PFKFB3: variants seen among roughly 807,000 people sequenced by gnomAD.
PFKFB3 encodes 6-phosphofructo-2-kinase/fructose-2,6-biphosphatase 3, also known as 6-phosphofructo-2-kinase/fructose-2,6-bisphosphatase 3.
Under a neutral mutation model 68.0 loss-of-function variants are expected in PFKFB3, and 33 were observed. That is an observed-to-expected ratio of 0.49 (90% CI 0.37 to 0.65). The LOEUF (loss-of-function observed/expected upper bound fraction) is 0.65, where lower values mean the gene tolerates loss of function less well. Among genes scored for constraint, PFKFB3 ranks in the 30% least tolerant of loss-of-function variants. The pLI is 0.00. For synonymous variants in PFKFB3, 315 were observed against 288.2 expected (o/e 1.09, Z -0.94); for missense variants, 586 against 712.2 (o/e 0.82, Z 2.02).
chr10:6,188,002 CAT>C (rs35827719), intron 1 of PFKFB3, among the ~76,000 whole-genome samples: 3,734 of 148,138 alleles, frequency 0.025, 116 homozygotes, highest in Middle Eastern at 0.089. Flanking sequence ...TACCTACCTA[CAT>C]ATATATATAT....
Position 6,228,298 on chromosome 10 carries a change from A to G in PFKFB3, c.1515+1933A>G, listed in dbSNP as rs1845492629. 3.9e-6 allele frequency: 6 copies of G among 1,522,068 alleles called. No homozygotes were observed. The highest frequency in any genetic ancestry group is 5.5e-6 in the Non-Finnish European group (6 of 1,098,172). The allele number at this position is 1,522,068 out of a possible 1,614,324, so 94.3% of individuals were successfully genotyped here. On this transcript the variant is annotated intron_variant, in intron 14 of 14. Coordinates refer to ENST00000379775, the MANE Select transcript of PFKFB3 (RefSeq NM_004566.4). This position sits in a 1 kb window ranked among gnomAD's most constrained non-coding sequence, Gnocchi z 4.5. ...CATTTGGCCTCCTGCCTGTTAAAAT[A>G]TTGAGGATGAGAGCAGTTTTGTGAT...
At chr10:6,158,604 G>A (rs1220400681) in intron 1 of PFKFB3, among the ~76,000 whole-genome samples, 2 of 152,142 alleles carry the variant, frequency 1.3e-5, no homozygotes, top group Admixed American at 6.6e-5. Flanking sequence ...GGTAGCTCAC[G>A]CCTGTAATCC....
rs146199316 is a variant in PFKFB3, at chr10:6,224,605, C to T, written c.1341+392C>T. 2.8e-3 allele frequency: 1,109 copies of T among 399,940 alleles called. 4 individuals are homozygous for T. The highest frequency in any genetic ancestry group is 0.012 in the African/African-American group (564 of 47,972). The allele number at this position is 399,940 out of a possible 1,614,324, so 24.8% of individuals were successfully genotyped here. The stretch of plus-strand genomic sequence containing the variant: ...AAGTGATCCTCCCGCCTCAGCCTCC[C>T]GCGTAGCTGAGACTACAGGTGCGCA... On this transcript the variant is annotated intron_variant, in intron 13 of 14. Transcript: ENST00000379775.
At chr10:6,216,075 C>A in intron 3 of PFKFB3, 50 bp from the exon 4 acceptor site, 1 of 1,552,808 alleles carries the variant, frequency 6.4e-7, no homozygotes, top group Non-Finnish European at 8.9e-7. Context: ...TTGGGCTGCC[C>A]CAGCGGATGC....
At chr10:6,222,396 T>A (rs1351274801) in intron 10 of PFKFB3, among the ~76,000 whole-genome samples, 2 of 152,260 alleles carry the variant, frequency 1.3e-5, no homozygotes. Flanking sequence ...GTTAAAGTTA[T>A]GATTTAGTGC....
rs192496332 is a variant in PFKFB3, at chr10:6,181,250, G to A, written c.17-32373G>A. On this transcript the variant is annotated intron_variant, in intron 1 of 14. Transcript: ENST00000379789. ...TGGCTCTGCTGGTCTCAAACTCCTG[G>A]CCTGGAGTGATCCTCTAGTCTCAGC... Among the ~76,000 whole-genome samples the A allele has an allele frequency of 7.9e-5, 12 of 152,250 alleles. 1 individual carries two copies. In the East Asian group the frequency reaches 2.3e-3, roughly 29 times the overall value.
chr10:6,195,153 T>G (rs1052501928), intron 1 of PFKFB3, among the ~76,000 whole-genome samples: 6 of 152,196 alleles, frequency 3.9e-5, no homozygotes, highest in African/African-American at 1.2e-4. Context: ...ATTACAGGCG[T>G]GAGCCACTGC....
At chr10:6,173,351 G>C (rs528403477) in intron 1 of PFKFB3, among the ~76,000 whole-genome samples, 12 of 152,324 alleles carry the variant, frequency 7.9e-5, no homozygotes, top group Admixed American at 6.5e-4. Context: ...CAGCCTGGAG[G>C]GGGCGCTCAG....
In PFKFB3 at chr10:6,203,265, C is replaced by T. The variant is rs1160846396; in HGVS notation, c.5C>T (p.Pro2Leu). The change falls in exon 1 of 15, where the codon CCG (proline) becomes CTG (leucine). Residue 2 changes from proline (P) to leucine (L), a missense_variant. Transcript: ENST00000379775. M[P>L]LELTQSRVQK... ...CCGTCGGGCGCAGCCGCGAAGATGC[C>T]GTTGGAACTGACGCAGAGCCGAGTG... 6.2e-7 allele frequency: 1 copy of T among 1,609,862 alleles called. No individual in the cohort carries two copies. The highest frequency in any genetic ancestry group is 8.5e-7 in the Non-Finnish European group (1 of 1,178,396).
upstream of PFKFB3, among the ~76,000 whole-genome samples, chr10:6,198,613 G>A (rs1351316943): frequency 1.3e-5 from 2 of 152,208 alleles, no homozygotes; most frequent in African/African-American, 4.8e-5. Flanking sequence ...CTCCCGAGTA[G>A]CTGGGATTAC....
At chr10:6,242,851 G>C (rs1846170248) in intron 14 of PFKFB3, among the ~76,000 whole-genome samples, 1 of 152,214 alleles carries the variant, frequency 6.6e-6, no homozygotes, top group Admixed American at 6.5e-5. Context: ...GCCTCTCAAA[G>C]TGTTGGGATT....
intron 1 of PFKFB3, among the ~76,000 whole-genome samples, chr10:6,181,796 T>TAAAAAAAAAAAAAAAAA (rs60557537): frequency 8.8e-6 from 1 of 114,168 alleles, no homozygotes; most frequent in Non-Finnish European, 1.7e-5. Flanking sequence ...AGACTCCGTT[T>TAAAAAAAAAAAAAAAAA]AAAAAAAAAA....
chr10:6,284,585 A>G, the PFKFB3 span, among the ~76,000 whole-genome samples: 2 of 152,200 alleles, frequency 1.3e-5, 1 homozygote, highest in Non-Finnish European at 2.9e-5. Context: ...ATTTTGGCAT[A>G]ATATACACAA....
chr10:6,251,176 A>G (rs1191676013), intron 14 of PFKFB3, among the ~76,000 whole-genome samples: 3 of 152,220 alleles, frequency 2.0e-5, no homozygotes, highest in Admixed American at 2.0e-4. Context: ...GACTTTGGAT[A>G]TTCAGAAGGC....
chr10:6,222,479 C>T (rs1845031335), intron 10 of PFKFB3, among the ~76,000 whole-genome samples: 1 of 152,236 alleles, frequency 6.6e-6, no homozygotes. Flanking sequence ...CACAAAGAAA[C>T]CCAGACCTGT....
At chr10:6,245,343 C>T (rs1186080576) in intron 14 of PFKFB3, among the ~76,000 whole-genome samples, 2 of 152,044 alleles carry the variant, frequency 1.3e-5, no homozygotes, top group Non-Finnish European at 2.9e-5. Context: ...GATCTGCCCG[C>T]CTTGGCCTCC....
chr10:6,177,061 G>A (rs1842493913), intron 1 of PFKFB3, among the ~76,000 whole-genome samples: 2 of 152,168 alleles, frequency 1.3e-5, no homozygotes, highest in African/African-American at 4.8e-5. Context: ...TCCCAGGCTG[G>A]CCTCTCAGAT....
Position 6,228,130 on chromosome 10 carries a change from G to C in PFKFB3, c.1515+1765G>C. 6.3e-7 allele frequency: 1 copy of C among 1,596,312 alleles called. No individual in the cohort carries two copies. Among genetic ancestry groups the C allele is most frequent in the Non-Finnish European group, 8.6e-7 (1 of 1,165,292 alleles). On this transcript the variant is annotated intron_variant, in intron 14 of 14. Coordinates refer to ENST00000379775, the MANE Select transcript of PFKFB3 (RefSeq NM_004566.4). The surrounding 1 kb of genome is among the most constrained non-coding windows in gnomAD (Gnocchi z 4.5). ...GGCTGGGCCGGCGTGGGGTTTTTCA[G>C]GGCTTCGTCCCTGCAGATTGCGCCC...
intron 13 of PFKFB3, chr10:6,224,736 C>G: frequency 3.1e-6 from 1 of 323,126 alleles, no homozygotes; most frequent in Non-Finnish European, 6.0e-6. Flanking sequence ...ATCCTCCTGC[C>G]TTAGTCTCCC....
Sources: gnomAD v4.1 joint callset for allele counts (sites outside exome capture counted in the v4.1 genomes callset) on GRCh38, gnomAD v4.1.1 for gene constraint, Gnocchi (gnomAD v3.1) non-coding constraint, MANE v1.5 for transcripts, NCBI Gene and HGNC (gene_info 2026-07-23, HGNC 2026-07-21) for gene names.